Variants in KLHL18 observed in about 807,000 individuals in gnomAD.
KLHL18 encodes kelch like family member 18.
A neutral mutation model predicts 58.5 loss-of-function variants in KLHL18; 38 were observed. The observed-to-expected ratio is 0.65, with a 90% CI of 0.50 to 0.85. The LOEUF (loss-of-function observed/expected upper bound fraction) is 0.85, where lower values mean the gene tolerates loss of function less well. Ranked by LOEUF, KLHL18 falls within the 40% of genes least tolerant of loss-of-function variation. KLHL18 has a pLI of 0.00. For missense variants in KLHL18, 624 were observed against 778.4 expected (o/e 0.80, Z 2.36); for synonymous variants, 303 against 301.9 (o/e 1.00, Z -0.04).
intron 1 of KLHL18, among the ~76,000 whole-genome samples, chr3:47,293,027 T>C (rs537045417): frequency 2.0e-5 from 3 of 152,304 alleles, no homozygotes; most frequent in Admixed American, 2.0e-4. Flanking sequence ...ATAAGCCAGT[T>C]ACAAAAGGAC....
intron 3 of KLHL18, among the ~76,000 whole-genome samples, chr3:47,329,509 G>A (rs1576175960): frequency 6.6e-6 from 1 of 152,250 alleles, no homozygotes; most frequent in African/African-American, 2.4e-5. Context: ...TTACAGGCGT[G>A]AGCCACCGTG....
In KLHL18 at chr3:47,340,611, C is replaced by T. The variant is rs1191793345; in HGVS notation, c.1161C>T (p.Val387=). ...GTVVLDGQIY[V]CGGYDGNSSL... is the part of the protein sequence containing the mutation. ...TCGTGCTGGATGGGCAGATCTACGT[C>T]TGTGGGGGCTACGATGGCAACTCTT... Residue 387 remains valine (V), a synonymous_variant, in exon 8 of 10, where the codon GTC becomes GTT. Coordinates refer to ENST00000232766, the MANE Select transcript of KLHL18 (RefSeq NM_025010.5). The T allele has an allele frequency of 6.2e-7, 1 of 1,614,030 alleles. No individual in the cohort carries two copies.
intron 1 of KLHL18, among the ~76,000 whole-genome samples, chr3:47,284,636 C>G (rs1559482753): frequency 6.6e-6 from 1 of 152,134 alleles, no homozygotes; most frequent in South Asian, 2.1e-4. Context: ...CGCGCCCAGC[C>G]TGCTCTTCTT....
intron 1 of KLHL18, among the ~76,000 whole-genome samples, chr3:47,289,168 C>T (rs1234398510): frequency 1.3e-5 from 2 of 152,128 alleles, no homozygotes; most frequent in Non-Finnish European, 2.9e-5. Flanking sequence ...GAGTATTATT[C>T]ACAGGGCCAT....
intron 2 of KLHL18, among the ~76,000 whole-genome samples, chr3:47,322,273 A>G (rs566263963): frequency 6.6e-6 from 1 of 152,346 alleles, no homozygotes; most frequent in South Asian, 2.1e-4. Flanking sequence ...GATTATATCC[A>G]TATAATTCAT....
chr3:47,324,985 G>A (rs1330919280), intron 3 of KLHL18, among the ~76,000 whole-genome samples: 3 of 152,134 alleles, frequency 2.0e-5, no homozygotes, highest in Non-Finnish European at 4.4e-5. Flanking sequence ...CCCTTTCTGA[G>A]ACCTAAACCT....
chr3:47,324,150 C>T (rs902644952), intron 3 of KLHL18, among the ~76,000 whole-genome samples: 4 of 152,178 alleles, frequency 2.6e-5, no homozygotes, highest in African/African-American at 9.6e-5. Context: ...CCTTCTGGGG[C>T]AGGCCAGAGG....
At chr3:47,319,879 T>A in intron 2 of KLHL18, 96 bp downstream of exon 2, 4 of 1,275,546 alleles carry the variant, frequency 3.1e-6, no homozygotes, top group Non-Finnish European at 4.5e-6. Flanking sequence ...GGACACAGTG[T>A]CTAATAGCCT....
At chr3:47,329,159 A>AC (rs1703793703) in intron 3 of KLHL18, among the ~76,000 whole-genome samples, 1 of 148,602 alleles carries the variant, frequency 6.7e-6, no homozygotes. Context: ...AAAAAAGACA[A>AC]GTATAAGAGT....
At chr3:47,291,562 C>T (rs945154334) in intron 1 of KLHL18, among the ~76,000 whole-genome samples, 9 of 152,242 alleles carry the variant, frequency 5.9e-5, no homozygotes, top group African/African-American at 2.2e-4. Context: ...AGCAGCTATA[C>T]ACAATGTATA....
At chr3:47,328,306 TC>T (rs1367434339) in intron 3 of KLHL18, among the ~76,000 whole-genome samples, 1 of 151,580 alleles carries the variant, frequency 6.6e-6, no homozygotes, top group Non-Finnish European at 1.5e-5. Context: ...GTCAAGGCTA[TC>T]ATGAGCCATA....
intron 1 of KLHL18, 46 bp from the exon 2 acceptor site, chr3:47,319,607 T>C (rs201474397): frequency 1.8e-4 from 286 of 1,598,040 alleles, no homozygotes; most frequent in Admixed American, 6.4e-4. Context: ...TTTGTTTTTG[T>C]TTTGCATTCC....
intron 8 of KLHL18, 87 bp from the exon 9 acceptor site, chr3:47,342,632 A>C: frequency 9.9e-7 from 1 of 1,011,838 alleles, no homozygotes; most frequent in East Asian, 2.4e-5. Flanking sequence ...TGGCCAGCAC[A>C]GTTCACCTAA....
chr3:47,317,693 A>C (rs1221408826), intron 1 of KLHL18, among the ~76,000 whole-genome samples: 1 of 152,240 alleles, frequency 6.6e-6, no homozygotes, highest in East Asian at 1.9e-4. Context: ...TAATATTTAC[A>C]TAGACTTAAT....
chr3:47,305,205 G>C (rs1356391202), intron 1 of KLHL18, among the ~76,000 whole-genome samples: 1 of 152,014 alleles, frequency 6.6e-6, no homozygotes, highest in Non-Finnish European at 1.5e-5. Flanking sequence ...CATCTTAGGG[G>C]TGAGCGTTCA....
chr3:47,330,648 T>A (rs1189288605), intron 4 of KLHL18, among the ~76,000 whole-genome samples: 2 of 152,198 alleles, frequency 1.3e-5, no homozygotes, highest in Admixed American at 6.5e-5. Flanking sequence ...CCTACTCACC[T>A]TATTCTTGCA....
At chr3:47,319,290 A>C (rs1559496890) in intron 1 of KLHL18, among the ~76,000 whole-genome samples, 1 of 152,202 alleles carries the variant, frequency 6.6e-6, no homozygotes, top group Non-Finnish European at 1.5e-5. Context: ...GGTTGGGATA[A>C]AGTGTTACAG....
chr3:47,344,766 C>A lies in KLHL18; in HGVS notation c.*825C>A, dbSNP rs1372232832. The A allele has an allele frequency of 6.6e-6, 1 of 152,626 alleles. No homozygotes were observed. Among genetic ancestry groups the A allele is most frequent in the Admixed American group, 6.5e-5 (1 of 15,284 alleles). The allele number at this position is 152,626 out of a possible 1,614,324, so 9.5% of individuals were successfully genotyped here. On this transcript the variant is annotated 3_prime_UTR_variant, in exon 10 of 10. Transcript: ENST00000232766. ...GGAAAATCGTCTAACTGGAGAAGGG[C>A]GGTATCCACCCCACATTCGGATCCC...
intron 1 of KLHL18, among the ~76,000 whole-genome samples, chr3:47,306,834 A>G (rs1264035752): frequency 1.3e-5 from 2 of 152,126 alleles, no homozygotes; most frequent in Admixed American, 6.5e-5. Flanking sequence ...CTTCTCCTGG[A>G]TGTGAAATTA....
Sources: gnomAD v4.1 joint callset for allele counts (sites outside exome capture counted in the v4.1 genomes callset) on GRCh38, gnomAD v4.1.1 for gene constraint, MANE v1.5 for transcripts, NCBI Gene and HGNC (gene_info 2026-07-23, HGNC 2026-07-21) for gene names.